The following IPO7 variants were observed in gnomAD, a reference collection of about 807,000 sequenced individuals.
IPO7 encodes importin 7.
Under a neutral mutation model 136.4 loss-of-function variants are expected in IPO7, and 13 were observed. The ratio of observed to expected loss-of-function variants is 0.10; its 90% confidence interval spans 0.06 to 0.15. IPO7 has a LOEUF of 0.15. Ranked by LOEUF, IPO7 falls within the 10% of genes least tolerant of loss-of-function variation. The pLI is 1.00. For missense variants in IPO7, 857 were observed against 1,240.6 expected (o/e 0.69, Z 4.65); for synonymous variants, 403 against 404.4 (o/e 1.00, Z 0.04).
rs758548100 is a variant in IPO7 at position 9,437,711 on chromosome 11, T to C, written c.2269-43T>C. On this transcript the variant is annotated intron_variant, in intron 20 of 24. Transcript: ENST00000379719. Reference sequence around the variant, plus strand: ...TAATATTTTTAGAATGTTTGCATGCTATTAATTATAGTCTTAGAATATCTT... The same window carrying C: ...TAATATTTTTAGAATGTTTGCATGCCATTAATTATAGTCTTAGAATATCTT... The C allele has an allele frequency of 8.8e-6, 12 of 1,362,122 alleles. No homozygotes were observed. In the South Asian group the frequency reaches 1.2e-4, roughly 14 times the overall value. 84.4% of individuals were successfully genotyped at this position (1,362,122 alleles called of 1,614,324 possible).
At chr11:9,384,924 C>G in intron 1 of IPO7, 77 bp downstream of exon 1, 2 of 1,133,190 alleles carry the variant, frequency 1.8e-6, no homozygotes, top group Non-Finnish European at 2.6e-6. Flanking sequence ...GGGGCCTGGC[C>G]GGAGGCGCGG....
chr11:9,432,942 T>C (rs1268143034), intron 16 of IPO7, among the ~76,000 whole-genome samples: 3 of 151,962 alleles, frequency 2.0e-5, no homozygotes, highest in African/African-American at 7.3e-5. Context: ...TACATTGAGC[T>C]GAATTAATCT....
chr11:9,400,920 C>A (rs10770031), intron 1 of IPO7, among the ~76,000 whole-genome samples: 1 of 152,042 alleles, frequency 6.6e-6, no homozygotes, highest in Non-Finnish European at 1.5e-5. Context: ...GGTGGCTCCC[C>A]CCTGTAATCC....
intron 3 of IPO7, among the ~76,000 whole-genome samples, chr11:9,409,531 G>T (rs1032656101): frequency 6.6e-6 from 1 of 151,930 alleles, no homozygotes; most frequent in Non-Finnish European, 1.5e-5. Flanking sequence ...AGGTGTGCAC[G>T]ACCAGGCCCA....
intron 1 of IPO7, among the ~76,000 whole-genome samples, chr11:9,391,335 G>T (rs1054589253): frequency 1.1e-4 from 17 of 151,862 alleles, no homozygotes; most frequent in African/African-American, 3.9e-4. Flanking sequence ...GGAGGCGGAG[G>T]TGCAGTGAGC....
Position 9,429,278 on chromosome 11 carries a change from GC to G in IPO7, c.1591+83del, listed in dbSNP as rs1408824622. The G allele has an allele frequency of 3.4e-6, 4 of 1,181,506 alleles. No individual in the cohort carries two copies. The African/African-American group carries it at 4.6e-5, about 14-fold the overall frequency. 73.2% of individuals were successfully genotyped at this position (1,181,506 alleles called of 1,614,324 possible). On this transcript the variant is annotated intron_variant, in intron 14 of 24. Coordinates refer to ENST00000379719, the MANE Select transcript of IPO7 (RefSeq NM_006391.3). ...ACCTGTAATCTTAGCACTTCGGTAG[GC>G]TTAGGTGGGAAGAGCGCTTGAAGCC...
intron 14 of IPO7, among the ~76,000 whole-genome samples, chr11:9,429,468 C>T (rs764122762): frequency 6.6e-6 from 1 of 151,934 alleles, no homozygotes; most frequent in African/African-American, 2.4e-5. Flanking sequence ...ATTGCCACTA[C>T]CCTCCAGCCT....
At chr11:9,420,366 C>A (rs1855109810) in intron 6 of IPO7, 45 bp from the exon 7 acceptor site, 1 of 1,235,282 alleles carries the variant, frequency 8.1e-7, no homozygotes, top group East Asian at 2.3e-5. Flanking sequence ...TGCTGTTCCT[C>A]CTATATTGTA....
chr11:9,401,022 A>T (rs1253308761), intron 1 of IPO7, among the ~76,000 whole-genome samples: 1 of 151,894 alleles, frequency 6.6e-6, no homozygotes, highest in East Asian at 2.0e-4. Flanking sequence ...CTCTACTAAA[A>T]ATACAAAAAT....
chr11:9,420,607 C>T lies in IPO7; in HGVS notation c.822-7C>T. 2 of 1,607,224 alleles carry T rather than the reference C, an allele frequency of 1.2e-6. No individual in the cohort carries two copies. Among genetic ancestry groups the T allele is most frequent in the Non-Finnish European group, 1.7e-6 (2 of 1,174,114 alleles). On this transcript the variant is annotated splice_polypyrimidine_tract_variant and splice_region_variant and intron_variant, in intron 7 of 24. Transcript: ENST00000379719. The stretch of plus-strand genomic sequence containing the variant: ...AAGAAACAATGGGCATTTTGATGTT[C>T]TTTTAGATATGGAAGCCCTGGCAAT...
At chr11:9,404,238 GGGTT>G (rs1193168546) in intron 2 of IPO7, among the ~76,000 whole-genome samples, 1 of 152,114 alleles carries the variant, frequency 6.6e-6, no homozygotes. Flanking sequence ...GGCCAAGGCG[GGGTT>G]ATCACAAGAT....
At chr11:9,392,558 G>T (rs1854651247) in intron 1 of IPO7, among the ~76,000 whole-genome samples, 1 of 152,112 alleles carries the variant, frequency 6.6e-6, no homozygotes, top group South Asian at 2.1e-4. Context: ...GATAGCACGG[G>T]ATTCTTCTAC....
chr11:9,426,559 A>G (rs1855211629), intron 12 of IPO7, among the ~76,000 whole-genome samples: 1 of 152,192 alleles, frequency 6.6e-6, no homozygotes, highest in Admixed American at 6.5e-5. Context: ...GAGACACCGC[A>G]GAACCCATTT....
At chr11:9,439,872 G>A (rs957586226) in intron 22 of IPO7, among the ~76,000 whole-genome samples, 69 of 151,954 alleles carry the variant, frequency 4.5e-4, no homozygotes, top group African/African-American at 1.6e-3. Flanking sequence ...CGCGCCCGGC[G>A]AATTATGGGG....
At chr11:9,443,548 G>A (rs1406475812) in intron 24 of IPO7, among the ~76,000 whole-genome samples, 7 of 145,412 alleles carry the variant, frequency 4.8e-5, no homozygotes, top group Non-Finnish European at 8.9e-5. Context: ...CCGAGGTCGC[G>A]CCATTGCACT....
intron 16 of IPO7, chr11:9,433,283 G>A: frequency 2.9e-6 from 1 of 345,526 alleles, no homozygotes; most frequent in South Asian, 3.4e-5. Flanking sequence ...ACCGCGCCCG[G>A]CCAACTCCTT....
rs1198486222 is a variant in IPO7, at chr11:9,442,043, A to G, written c.2903-38A>G. ...AGAACGGAGCTACCAAGCCTCTCTT[A>G]TTCATGTTGTTTTTCCCTTGTTTTT... is the stretch of plus-strand genomic sequence containing the variant. On this transcript the variant is annotated intron_variant, in intron 23 of 24. Transcript: ENST00000379719. 4.1e-6 allele frequency: 4 copies of G among 968,410 alleles called. No homozygotes were observed. The South Asian group carries it at 5.2e-5, about 13-fold the overall frequency. 60.0% of individuals were successfully genotyped at this position (968,410 alleles called of 1,614,324 possible). A position where few individuals can be genotyped will look rare whatever the true frequency, so the allele number is the denominator to read the frequency against.
intron 2 of IPO7, among the ~76,000 whole-genome samples, chr11:9,406,030 A>C (rs1422763286): frequency 6.7e-6 from 1 of 148,760 alleles, no homozygotes; most frequent in Admixed American, 6.7e-5. Flanking sequence ...CTGGGGCTGC[A>C]GGCATGTGTC....
chr11:9,393,662 C>T (rs1025251331), intron 1 of IPO7, among the ~76,000 whole-genome samples: 12 of 152,066 alleles, frequency 7.9e-5, no homozygotes, highest in Admixed American at 2.6e-4. Flanking sequence ...GGATTACAGG[C>T]GTGAGCCACC....
Sources: gnomAD v4.1 joint callset for allele counts (sites outside exome capture counted in the v4.1 genomes callset) on GRCh38, gnomAD v4.1.1 for gene constraint, MANE v1.5 for transcripts, NCBI Gene and HGNC (gene_info 2026-07-23, HGNC 2026-07-21) for gene names.